KIAA1549: variants seen among roughly 807,000 people sequenced by gnomAD.
The protein encoded by KIAA1549 is UPF0606 protein KIAA1549.
KIAA1549 carries 70 observed loss-of-function variants against 156.4 expected under a neutral mutation model. That is an observed-to-expected ratio of 0.45 (90% confidence interval 0.37 to 0.55). The LOEUF (loss-of-function observed/expected upper bound fraction) is 0.55, where lower values mean the gene tolerates loss of function less well. Among genes scored for constraint, KIAA1549 ranks in the 20% least tolerant of loss-of-function variants. The pLI, the probability that KIAA1549 is intolerant of heterozygous loss-of-function variation, is 0.00. For missense variants in KIAA1549, 2,428 were observed against 2,540.9 expected (o/e 0.96, Z 0.96); for synonymous variants, 1,103 against 1,066.4 (o/e 1.03, Z -0.67).
At chr7:138,913,912 G>A (rs1812240182) in intron 2 of KIAA1549, among the ~76,000 whole-genome samples, 1 of 151,744 alleles carries the variant, frequency 6.6e-6, no homozygotes, top group Non-Finnish European at 1.5e-5. Flanking sequence ...AAGAGGGAGG[G>A]AGAAATGAGG....
Position 138,871,201 on chromosome 7 carries a change from A to T in KIAA1549, c.4507T>A (p.Ser1503Thr). The T allele has an allele frequency of 6.2e-7, 1 of 1,613,178 alleles. No homozygotes were observed. Among genetic ancestry groups the T allele is most frequent in the South Asian group, 1.1e-5 (1 of 91,076 alleles). ...PIPAPPVQRP[S>T]PADRVAESNK... is the part of the protein sequence containing the mutation. The stretch of plus-strand genomic sequence containing the variant: ...CTTTCCGCCACTCGGTCGGCTGGGG[A>T]GGGGCGCTGGACGGGAGGTGCCGGG... The change falls in exon 13 of 20, where the codon TCC becomes ACC. Residue 1503 changes from serine (S) to threonine (T), a missense_variant. Ser to Thr is a moderately conservative substitution (Grantham distance 58). Coordinates refer to ENST00000422774, the MANE Select transcript of KIAA1549 (RefSeq NM_001164665.2).
rs551824906 is a variant in KIAA1549 at position 138,905,707 on chromosome 7, AT to A, written c.3461-627del. On this transcript the variant is annotated intron_variant, in intron 6 of 19. Coordinates refer to ENST00000422774, the MANE Select transcript of KIAA1549 (RefSeq NM_001164665.2). ...CCTGATTTCAACTCTGGAATCTACTATTTTTTTTTTTTAAATAAACGTCTCC... is the reference window on the plus strand; with the variant it reads ...CCTGATTTCAACTCTGGAATCTACTATTTTTTTTTTTAAATAAACGTCTCC... Among the ~76,000 whole-genome samples the A allele has an allele frequency of 7.5e-3, 1,096 of 145,490 alleles. 7 individuals are homozygous for A. The highest frequency in any genetic ancestry group is 0.023 in the South Asian group (105 of 4,620).
In KIAA1549 at chr7:138,861,311, T is replaced by C; in HGVS notation, c.5075A>G (p.Asp1692Gly). ...EARQTMHSLL[D>G]DAFALVAPSS... ...GGGGGCCACGAGGGCAAAGGCGTCGTCCAGGAGGGAGTGCATGGTCTGGCG... is the reference window on the plus strand; with the variant it reads ...GGGGGCCACGAGGGCAAAGGCGTCGCCCAGGAGGGAGTGCATGGTCTGGCG... Residue 1692 changes from aspartate to glycine, a missense_variant, in exon 16 of 20, where the codon GAC becomes GGC. By Grantham distance (94) the Asp-to-Gly change is moderately conservative. Coordinates refer to ENST00000422774, the MANE Select transcript of KIAA1549 (RefSeq NM_001164665.2). The C allele has an allele frequency of 6.2e-7, 1 of 1,609,418 alleles. No individual in the cohort carries two copies. Among genetic ancestry groups the C allele is most frequent in the Non-Finnish European group, 8.5e-7 (1 of 1,178,556 alleles).
intron 1 of KIAA1549, among the ~76,000 whole-genome samples, chr7:138,924,433 AC>A (rs1310614746): frequency 2.0e-5 from 3 of 152,188 alleles, no homozygotes; most frequent in African/African-American, 7.2e-5. Context: ...TTGGAAGTGA[AC>A]CGGAAGACTG....
chr7:138,846,677 C>T (rs1810085982), intron 17 of KIAA1549, among the ~76,000 whole-genome samples: 1 of 151,824 alleles, frequency 6.6e-6, no homozygotes, highest in African/African-American at 2.4e-5. Context: ...ATCTCACAGA[C>T]ACGCCCTCCC....
intron 17 of KIAA1549, 21 bp downstream of exon 17, chr7:138,852,202 A>G (rs1810254281): frequency 6.3e-7 from 1 of 1,585,644 alleles, no homozygotes; most frequent in Non-Finnish European, 8.6e-7. Flanking sequence ...GTGATAATAC[A>G]TTTTGTTTTG....
chr7:138,919,237 T>A lies in KIAA1549; in HGVS notation c.389A>T (p.Lys130Ile). The A allele has an allele frequency of 6.2e-7, 1 of 1,613,994 alleles. No individual in the cohort carries two copies. The highest frequency in any genetic ancestry group is 8.5e-7 in the Non-Finnish European group (1 of 1,179,880). The change falls in exon 2 of 20, where the codon AAA (lysine) becomes ATA (isoleucine). Residue 130 changes from lysine to isoleucine, a missense_variant. Lys to Ile is a moderately radical substitution (Grantham distance 102). Coordinates refer to ENST00000422774, the MANE Select transcript of KIAA1549 (RefSeq NM_001164665.2). Reference protein sequence around the residue: ...TAFFNQGKQTKSTADPSIFVA... With the variant: ...TAFFNQGKQTISTADPSIFVA... ...AAAGATGCTGGGATCTGCTGTACTT[T>A]TGGTCTGTTTTCCTTGGTTAAAAAA...
intron 1 of KIAA1549, among the ~76,000 whole-genome samples, chr7:138,948,286 GAC>G (rs1367153788): frequency 6.6e-6 from 1 of 152,178 alleles, no homozygotes; most frequent in Non-Finnish European, 1.5e-5. Flanking sequence ...CACAGAGACA[GAC>G]ACACATGGAG....
chr7:138,926,814 A>AAT (rs920336484), intron 1 of KIAA1549, among the ~76,000 whole-genome samples: 20 of 151,684 alleles, frequency 1.3e-4, no homozygotes, highest in South Asian at 4.2e-4. Flanking sequence ...ACTATTTATA[A>AAT]ATATATATAT....
At chr7:138,880,380 C>A (rs369471636) in intron 11 of KIAA1549, among the ~76,000 whole-genome samples, 5 of 152,250 alleles carry the variant, frequency 3.3e-5, no homozygotes, top group East Asian at 1.9e-4. Context: ...TCAATGATTC[C>A]ATTTATTCTT....
intron 15 of KIAA1549, among the ~76,000 whole-genome samples, chr7:138,867,555 A>C (rs545186268): frequency 3.3e-4 from 37 of 113,484 alleles, no homozygotes; most frequent in Admixed American, 1.4e-3. Flanking sequence ...ACCCTGTCCC[A>C]AAAAAAAAAA....
At chr7:138,859,352 G>A (rs1218582449) in intron 16 of KIAA1549, among the ~76,000 whole-genome samples, 1 of 152,102 alleles carries the variant, frequency 6.6e-6, no homozygotes, top group Non-Finnish European at 1.5e-5. Flanking sequence ...TTCAACATGT[G>A]ATTTTGGGGA....
Position 138,833,560 on chromosome 7 carries a change from TAA to T in KIAA1549, c.*4344_*4345del, listed in dbSNP as rs1809605079. ...ATCTGGCCGGCAAACACCCACTGCT[TAA>T]AAGTCATCTGCCACCCAAATCAAAA... On this transcript the variant is annotated 3_prime_UTR_variant, in exon 20 of 20. Transcript: ENST00000422774. 1 of 232,350 alleles carries T rather than the reference TAA, an allele frequency of 4.3e-6. No individual in the cohort carries two copies. The highest frequency in any genetic ancestry group is 8.5e-6 in the Non-Finnish European group (1 of 117,554). 14.4% of individuals were successfully genotyped at this position (232,350 alleles called of 1,614,324 possible).
chr7:138,944,989 G>A (rs148532402), intron 1 of KIAA1549, among the ~76,000 whole-genome samples: 2 of 152,088 alleles, frequency 1.3e-5, no homozygotes, highest in South Asian at 4.1e-4. Flanking sequence ...ACTTTGAAAG[G>A]GCTAAAATTG....
rs1811905568 is a variant in KIAA1549 at position 138,903,635 on chromosome 7, G to A, written c.3622C>T (p.Arg1208Trp). 1.9e-6 allele frequency: 3 copies of A among 1,613,298 alleles called. No individual in the cohort carries two copies. The highest frequency in any genetic ancestry group is 1.7e-6 in the Non-Finnish European group (2 of 1,179,752). Residue 1208 changes from arginine to tryptophan, a missense_variant, in exon 8 of 20, where the codon CGG (arginine) becomes TGG (tryptophan). By Grantham distance (101) the Arg-to-Trp change is moderately radical (BLOSUM62 -3). This residue lies in a region of KIAA1549 where 762 missense variants were observed against 901.6 expected (regional missense o/e 0.85). Coordinates refer to ENST00000422774, the MANE Select transcript of KIAA1549 (RefSeq NM_001164665.2). ...QLLSEVSTRR[R>W]MWRRATVAAG... ...GCTACAGTGGCCCTTCTCCACATCC[G>A]CCTTCTGGTGGAAACCTCGCTGAGC...
chr7:138,892,204 C>G (rs1008976395), intron 10 of KIAA1549, among the ~76,000 whole-genome samples: 1 of 152,182 alleles, frequency 6.6e-6, no homozygotes, highest in African/African-American at 2.4e-5. Flanking sequence ...ACAGCCACAT[C>G]TGGGACTTGA....
chr7:138,862,921 ACT>A (rs1192394258), intron 15 of KIAA1549, among the ~76,000 whole-genome samples: 1 of 152,020 alleles, frequency 6.6e-6, no homozygotes, highest in East Asian at 1.9e-4. Flanking sequence ...CAAGAGTGAA[ACT>A]CTATCTCAAA....
chr7:138,965,733 G>A (rs1057028711), intron 1 of KIAA1549, among the ~76,000 whole-genome samples: 7 of 152,210 alleles, frequency 4.6e-5, no homozygotes, highest in African/African-American at 1.7e-4. Context: ...CAGTCTGAAA[G>A]GAGAGATACT....
chr7:138,948,148 C>T (rs564064095), intron 1 of KIAA1549, among the ~76,000 whole-genome samples: 12 of 152,300 alleles, frequency 7.9e-5, no homozygotes, highest in Admixed American at 5.2e-4. Context: ...TCCTAACCCC[C>T]ACTATCTCAG....
Sources: allele counts gnomAD v4.1 joint callset (sites outside exome capture counted in the v4.1 genomes callset), GRCh38; gene constraint gnomAD v4.1.1; regional missense constraint gnomAD v4.1.1; transcripts MANE v1.5; gene names NCBI Gene and HGNC (gene_info 2026-07-23, HGNC 2026-07-21).